The following BBS9 variants were observed in gnomAD, a reference collection of about 807,000 sequenced individuals.
The protein encoded by BBS9 is Bardet-Biedl syndrome 9.
In BBS9, 89 loss-of-function variants were observed where a neutral mutation model predicts 117.7. That is an observed-to-expected ratio of 0.76 (90% CI 0.64 to 0.90). BBS9 has a LOEUF of 0.90. Ranked by LOEUF, BBS9 falls within the 40% of genes least tolerant of loss-of-function variation. The probability of loss-of-function intolerance (pLI) is 0.00; values close to 1 mark genes in which losing one functional copy is unlikely to be tolerated. For synonymous variants in BBS9, 379 were observed against 370.9 expected, an observed-to-expected ratio of 1.02 and a Z score of -0.25; for missense variants, 982 against 1,042.2, an observed-to-expected ratio of 0.94 and a Z score of 0.80.
At chr7:33,353,756 A>G (rs551789451) in intron 15 of BBS9, among the ~76,000 whole-genome samples, 21 of 152,096 alleles carry the variant, frequency 1.4e-4, no homozygotes, top group Non-Finnish European at 2.5e-4. Flanking sequence ...GGTGATGCCA[A>G]CAATCTGAGT....
intron 21 of BBS9, among the ~76,000 whole-genome samples, chr7:33,630,847 T>C (rs1865860346): frequency 6.6e-6 from 1 of 152,168 alleles, no homozygotes. Flanking sequence ...GACATTCATC[T>C]CATAAATATT....
chr7:33,322,356 CTTTTTTTTTT>C (rs35411730), intron 9 of BBS9, among the ~76,000 whole-genome samples: 1 of 74,162 alleles, frequency 1.3e-5, no homozygotes, highest in African/African-American at 4.7e-5. Flanking sequence ...GGGTCTCAGG[CTTTTTTTTTT>C]TTTTTTTTTT....
chr7:33,150,540 C>T (rs530378767), intron 2 of BBS9, among the ~76,000 whole-genome samples: 23 of 152,170 alleles, frequency 1.5e-4, no homozygotes, highest in South Asian at 8.3e-4. Context: ...AGGGCATATA[C>T]GCAAAGTGGC....
chr7:33,344,985 A>G (rs1817323411), intron 12 of BBS9, among the ~76,000 whole-genome samples: 1 of 152,218 alleles, frequency 6.6e-6, no homozygotes, highest in Admixed American at 6.5e-5. Context: ...TAGAACAATC[A>G]AGTAGCATCA....
At chr7:33,565,815 A>ACCGCTATATATACTGC (rs1563370063) in intron 21 of BBS9, among the ~76,000 whole-genome samples, 1 of 60,164 alleles carries the variant, frequency 1.7e-5, no homozygotes, top group African/African-American at 1.9e-4. Context: ...ATATATATAT[A>ACCGCTATATATACTGC]TATATATATA....
intron 5 of BBS9, among the ~76,000 whole-genome samples, chr7:33,249,246 C>G (rs1002640011): frequency 2.6e-5 from 4 of 151,704 alleles, no homozygotes; most frequent in Non-Finnish European, 5.9e-5. Context: ...CACACACACA[C>G]ACACACGCGT....
At position 33,450,923 on chromosome 7, in the gene BBS9, C is replaced by G. The variant is rs1584878342; in HGVS notation, c.2116-54540C>G. On this transcript the variant is annotated intron_variant, in intron 19 of 22. Coordinates refer to ENST00000242067, the MANE Select transcript of BBS9 (RefSeq NM_198428.3). ...TTTGTTTGTGAGATGGAGTCTTGCT[C>G]TGTTGCCCAGGCTGGAGTGCAGTGG... Among the ~76,000 whole-genome samples the G allele has an allele frequency of 2.0e-5, 3 of 149,482 alleles. No individual in the cohort carries two copies. The East Asian group carries it at 5.9e-4, about 29-fold the overall frequency.
chr7:33,502,861 C>T (rs1016221127), intron 19 of BBS9, among the ~76,000 whole-genome samples: 20 of 152,114 alleles, frequency 1.3e-4, no homozygotes, highest in African/African-American at 4.8e-4. Flanking sequence ...TTGTGGATCC[C>T]AGTGCAAAAT....
intron 9 of BBS9, among the ~76,000 whole-genome samples, chr7:33,304,461 G>A (rs1042387592): frequency 5.4e-5 from 8 of 146,792 alleles, no homozygotes; most frequent in South Asian, 2.2e-4. Flanking sequence ...CTGCCCGGCC[G>A]CAACCCCATC....
intron 5 of BBS9, among the ~76,000 whole-genome samples, chr7:33,208,852 T>TG (rs1308565471): frequency 6.6e-6 from 1 of 152,116 alleles, no homozygotes; most frequent in Non-Finnish European, 1.5e-5. Flanking sequence ...TATATATTTA[T>TG]GGGGTACATG....
chr7:33,587,586 A>G (rs925617092), intron 21 of BBS9, among the ~76,000 whole-genome samples: 2 of 152,106 alleles, frequency 1.3e-5, no homozygotes, highest in Non-Finnish European at 2.9e-5. Context: ...AAGGGCTGCT[A>G]TGTTCCATCT....
chr7:33,364,986 C>G (rs1234840054), intron 16 of BBS9, among the ~76,000 whole-genome samples: 2 of 151,872 alleles, frequency 1.3e-5, no homozygotes, highest in East Asian at 3.9e-4. Context: ...GCCTCGGCCT[C>G]CCAGAGTGCT....
chr7:33,565,133 A>G (rs1856651043), intron 21 of BBS9, among the ~76,000 whole-genome samples: 1 of 152,184 alleles, frequency 6.6e-6, no homozygotes, highest in Non-Finnish European at 1.5e-5. Context: ...GATAACATAT[A>G]TGAAGTGCCT....
intron 21 of BBS9, among the ~76,000 whole-genome samples, chr7:33,544,461 T>C (rs904148091): frequency 6.6e-6 from 1 of 152,190 alleles, no homozygotes; most frequent in African/African-American, 2.4e-5. Context: ...TTGTTGTTTC[T>C]CTTCTGGGTC....
At chr7:33,187,644 C>A (rs1387044482) in intron 5 of BBS9, among the ~76,000 whole-genome samples, 1 of 152,118 alleles carries the variant, frequency 6.6e-6, no homozygotes, top group African/African-American at 2.4e-5. Flanking sequence ...TATGGGCTGG[C>A]CATGGTGGCT....
At chr7:33,189,506 A>G (rs1176885695) in intron 5 of BBS9, among the ~76,000 whole-genome samples, 2 of 151,962 alleles carry the variant, frequency 1.3e-5, no homozygotes, top group African/African-American at 4.8e-5. Context: ...GACCCTTTGG[A>G]AAAAAAAGAA....
chr7:33,534,179 A>G lies in BBS9; in HGVS notation c.2521+3A>G, dbSNP rs1851017043. On this transcript the variant is annotated splice_donor_region_variant and intron_variant, in intron 21 of 22. Transcript: ENST00000242067. ...CCCACAGACCATGGTCATGCCAGGT[A>G]AGAGCTCTGTCCATGCTCCCTAATC... 1.1e-5 allele frequency: 17 copies of G among 1,613,398 alleles called. No individual in the cohort carries two copies. Among genetic ancestry groups the G allele is most frequent in the Non-Finnish European group, 1.4e-5 (16 of 1,179,406 alleles).
At chr7:33,570,462 C>T (rs779384846) in intron 21 of BBS9, among the ~76,000 whole-genome samples, 6 of 152,236 alleles carry the variant, frequency 3.9e-5, no homozygotes, top group Non-Finnish European at 8.8e-5. Flanking sequence ...CTATTCCTTA[C>T]AGTAAAATTC....
At chr7:33,177,758 C>T (rs1797539791) in intron 5 of BBS9, 167 bp downstream of exon 5, 2 of 628,396 alleles carry the variant, frequency 3.2e-6, no homozygotes, top group Non-Finnish European at 5.8e-6. Context: ...CCATACCACC[C>T]TGAATGTGCC....
Sources: gnomAD v4.1 joint callset for allele counts (sites outside exome capture counted in the v4.1 genomes callset) on GRCh38, gnomAD v4.1.1 for gene constraint, MANE v1.5 for transcripts, NCBI Gene and HGNC (gene_info 2026-07-23, HGNC 2026-07-21) for gene names.